ELMO1: variants seen among roughly 807,000 people sequenced by gnomAD.
ELMO1 encodes engulfment and cell motility protein 1.
ELMO1 carries 26 observed loss-of-function variants against 98.9 expected under a neutral mutation model. That is an observed-to-expected ratio of 0.26 (90% CI 0.19 to 0.36). The LOEUF (loss-of-function observed/expected upper bound fraction) is 0.36. Among genes scored for constraint, ELMO1 ranks in the 10% least tolerant of loss-of-function variants. The pLI is 1.00. For synonymous variants in ELMO1, 346 were observed against 346.0 expected, an observed-to-expected ratio of 1.00 and a Z score of 0.00; for missense variants, 627 against 935.2, an observed-to-expected ratio of 0.67 and a Z score of 4.30.
chr7:37,156,042 G>C (rs533267262), intron 13 of ELMO1, among the ~76,000 whole-genome samples: 13 of 152,164 alleles, frequency 8.5e-5, no homozygotes, highest in African/African-American at 2.6e-4. Context: ...GCACAACTAC[G>C]TGGAAACTGA....
chr7:37,336,517 A>C (rs746546691), intron 2 of ELMO1, among the ~76,000 whole-genome samples: 32 of 152,304 alleles, frequency 2.1e-4, no homozygotes, highest in Non-Finnish European at 3.4e-4. Context: ...TCTAAGACAA[A>C]GAGTGTCGAC....
chr7:36,935,037 A>G (rs1398522787), intron 16 of ELMO1, among the ~76,000 whole-genome samples: 3 of 152,160 alleles, frequency 2.0e-5, no homozygotes, highest in Non-Finnish European at 4.4e-5. Context: ...ATTGCCTTTG[A>G]TATGGTTTGG....
intron 15 of ELMO1, among the ~76,000 whole-genome samples, chr7:37,089,749 G>A (rs1174857903): frequency 1.3e-5 from 2 of 152,130 alleles, no homozygotes; most frequent in Admixed American, 6.5e-5. Context: ...CATCAGTAAG[G>A]ACACTGCAGA....
chr7:36,965,191 T>A (rs987194687), intron 16 of ELMO1, among the ~76,000 whole-genome samples: 1 of 152,164 alleles, frequency 6.6e-6, no homozygotes, highest in African/African-American at 2.4e-5. Context: ...TTTCTCCCCA[T>A]TCTTAATGTA....
At chr7:37,035,695 A>G (rs1425887942) in intron 15 of ELMO1, among the ~76,000 whole-genome samples, 1 of 152,232 alleles carries the variant, frequency 6.6e-6, no homozygotes, top group Non-Finnish European at 1.5e-5. Context: ...CTATGGGTCC[A>G]TGATGTTATT....
chr7:36,917,111 G>C (rs1399594942), intron 16 of ELMO1, among the ~76,000 whole-genome samples: 1 of 152,174 alleles, frequency 6.6e-6, no homozygotes, highest in Non-Finnish European at 1.5e-5. Context: ...ATAATACTTG[G>C]TTGCTTTTAA....
intron 4 of ELMO1, among the ~76,000 whole-genome samples, chr7:37,284,453 C>T (rs1237017356): frequency 6.6e-6 from 1 of 152,086 alleles, no homozygotes; most frequent in African/African-American, 2.4e-5. Context: ...CACACTACTC[C>T]CTCCCTCCAC....
chr7:37,029,299 A>G (rs1371785695), intron 15 of ELMO1, among the ~76,000 whole-genome samples: 1 of 152,158 alleles, frequency 6.6e-6, no homozygotes, highest in Non-Finnish European at 1.5e-5. Flanking sequence ...GATCACATAC[A>G]TATCAAAGAT....
intron 4 of ELMO1, among the ~76,000 whole-genome samples, chr7:37,281,195 A>T (rs937096289): frequency 6.6e-6 from 1 of 150,872 alleles, no homozygotes. Flanking sequence ...ACACAAAGGC[A>T]TAAGAATGAT....
chr7:37,216,591 A>C, intron 11 of ELMO1, 54 bp downstream of exon 11: 1 of 1,598,450 alleles, frequency 6.3e-7, no homozygotes, highest in Non-Finnish European at 8.6e-7. Context: ...GAGATTAACA[A>C]ATGCACCAGG....
chr7:37,062,159 T>C (rs908297237), intron 15 of ELMO1, among the ~76,000 whole-genome samples: 1 of 152,240 alleles, frequency 6.6e-6, no homozygotes, highest in Non-Finnish European at 1.5e-5. Flanking sequence ...CTAAAGATTA[T>C]GTGGCCTAGA....
intron 2 of ELMO1, among the ~76,000 whole-genome samples, chr7:37,335,630 A>C (rs923153433): frequency 1.3e-5 from 2 of 152,214 alleles, no homozygotes; most frequent in Non-Finnish European, 2.9e-5. Flanking sequence ...AAATGGGACA[A>C]TACAAAGGTG....
chr7:36,989,746 G>A (rs12530610), intron 16 of ELMO1, among the ~76,000 whole-genome samples: 2,861 of 152,230 alleles, frequency 0.019, 57 homozygotes, highest in East Asian at 0.073. Flanking sequence ...TATCCTACTA[G>A]GGAGGTTTAT....
At chr7:37,338,000 A>G (rs1163311650) in intron 2 of ELMO1, among the ~76,000 whole-genome samples, 1 of 152,200 alleles carries the variant, frequency 6.6e-6, no homozygotes, top group East Asian at 1.9e-4. Flanking sequence ...TCTCCTTCCT[A>G]AACATTGAAA....
chr7:37,355,110 T>C (rs1175259103), intron 1 of ELMO1, among the ~76,000 whole-genome samples: 1 of 152,174 alleles, frequency 6.6e-6, no homozygotes, highest in Non-Finnish European at 1.5e-5. Context: ...GACGTCCTTA[T>C]TCCCAGAGGA....
rs528075556 is a variant in ELMO1 at position 36,919,358 on chromosome 7, G to C, written c.1438-24341C>G. ...CTGGCTGAAGACTTTGGGACTTCAG[G>C]CTATCCCTGACAAATTCCTGAACCA... On this transcript the variant is annotated intron_variant, in intron 16 of 21. Transcript: ENST00000310758. The C allele has an allele frequency of 5.6e-6, 3 of 531,914 alleles. No individual in the cohort carries two copies. The Admixed American group carries it at 5.8e-5, about 10-fold the overall frequency. The allele number at this position is 531,914 out of a possible 1,614,324, so 32.9% of individuals were successfully genotyped here. A position where few individuals can be genotyped will look rare whatever the true frequency, so the allele number is the denominator to read the frequency against.
At chr7:37,057,363 A>T (rs1796440664) in intron 15 of ELMO1, among the ~76,000 whole-genome samples, 1 of 152,182 alleles carries the variant, frequency 6.6e-6, no homozygotes, top group Non-Finnish European at 1.5e-5. Context: ...TGACTCCCTT[A>T]GTGATCACCA....
intron 1 of ELMO1, among the ~76,000 whole-genome samples, chr7:37,386,231 C>G (rs28442000): frequency 0.35 from 53,763 of 151,972 alleles, 9,958 homozygotes; most frequent in South Asian, 0.46. Flanking sequence ...GGAAGCCTAT[C>G]GGATGTTGCA....
chr7:36,959,262 G>A (rs886558389), intron 16 of ELMO1, among the ~76,000 whole-genome samples: 1 of 151,844 alleles, frequency 6.6e-6, no homozygotes, highest in Non-Finnish European at 1.5e-5. Flanking sequence ...CTCCTCATCT[G>A]CCTCATGTCC....
Sources: gnomAD v4.1 joint callset for allele counts (sites outside exome capture counted in the v4.1 genomes callset) on GRCh38, gnomAD v4.1.1 for gene constraint, MANE v1.5 for transcripts, NCBI Gene and HGNC (gene_info 2026-07-23, HGNC 2026-07-21) for gene names.